The following TBC1D8 variants were observed in gnomAD, a reference collection of about 807,000 sequenced individuals.
TBC1D8 encodes the protein BUB2-like protein 1.
TBC1D8 carries 65 observed loss-of-function variants against 118.8 expected under a neutral mutation model. The observed-to-expected ratio is 0.55, with a 90% CI of 0.45 to 0.67. TBC1D8 has a LOEUF of 0.67. TBC1D8 is among the 30% of genes least tolerant of loss of function. The pLI, the probability that TBC1D8 is intolerant of heterozygous loss-of-function variation, is 0.00. For missense variants in TBC1D8, 1,376 were observed against 1,471.2 expected (o/e 0.94, Z 1.06); for synonymous variants, 566 against 595.8 (o/e 0.95, Z 0.73).
rs58885143 is a variant in TBC1D8 at position 101,069,917 on chromosome 2, C to CT, written c.284-10379dup. 1.8e-4 allele frequency among the ~76,000 whole-genome samples: 26 copies of CT among 142,494 alleles called. No individual in the cohort carries two copies. In the East Asian group the frequency reaches 2.9e-3, roughly 16 times the overall value. 93.5% of individuals were successfully genotyped at this position (142,494 alleles called of 152,430 possible). A position where few individuals can be genotyped will look rare whatever the true frequency, so the allele number is the denominator to read the frequency against. On this transcript the variant is annotated intron_variant, in intron 2 of 19. Transcript: ENST00000409318. ...AACATTTATATACAGAGCATGTTTA[C>CT]TTTTTTTTTTTTTTTCACACGGAAT...
chr2:101,116,848 G>T (rs1677842006), intron 1 of TBC1D8, among the ~76,000 whole-genome samples: 1 of 152,010 alleles, frequency 6.6e-6, no homozygotes, highest in Admixed American at 6.6e-5. Flanking sequence ...TGCCATGTTG[G>T]CTAGGCTGGT....
At chr2:101,115,008 C>T (rs1677755683) in intron 1 of TBC1D8, among the ~76,000 whole-genome samples, 1 of 152,222 alleles carries the variant, frequency 6.6e-6, no homozygotes, top group South Asian at 2.1e-4. Context: ...GTGTGTTTCA[C>T]AGAACCTGTC....
At chr2:101,114,467 A>G (rs1043686460) in intron 1 of TBC1D8, among the ~76,000 whole-genome samples, 1 of 152,180 alleles carries the variant, frequency 6.6e-6, no homozygotes, top group Non-Finnish European at 1.5e-5. Flanking sequence ...GTTTAAACTC[A>G]CTTACAGGAA....
chr2:101,015,263 G>A (rs372886346), intron 17 of TBC1D8, among the ~76,000 whole-genome samples: 1 of 152,168 alleles, frequency 6.6e-6, no homozygotes, highest in Non-Finnish European at 1.5e-5. Flanking sequence ...TGGTATACCT[G>A]TATAGACCAC....
chr2:101,095,230 G>A (rs911280308), intron 1 of TBC1D8, among the ~76,000 whole-genome samples: 19 of 147,356 alleles, frequency 1.3e-4, no homozygotes, highest in Admixed American at 4.1e-4. Flanking sequence ...AAAGGCCAAC[G>A]CACCAGAGAA....
At position 101,051,034 on chromosome 2, in the gene TBC1D8, T is replaced by C. The variant is rs563013635; in HGVS notation, c.632-393A>G. Among the ~76,000 whole-genome samples the C allele has an allele frequency of 1.2e-4, 19 of 152,326 alleles. 1 individual carries two copies. In the East Asian group the frequency reaches 3.5e-3, roughly 28 times the overall value. On this transcript the variant is annotated intron_variant, in intron 4 of 19. Coordinates refer to ENST00000409318, the MANE Select transcript of TBC1D8 (RefSeq NM_001330348.2). The stretch of plus-strand genomic sequence containing the variant: ...GTATTTGGTTTTCTTGCGTGTTAAT[T>C]TGCAAAGCATAATGGCCTCCAGCTC...
chr2:101,108,789 C>T (rs1344773822), intron 1 of TBC1D8, among the ~76,000 whole-genome samples: 1 of 139,782 alleles, frequency 7.2e-6, no homozygotes, highest in Non-Finnish European at 1.5e-5. Flanking sequence ...AACCTTACTT[C>T]CATCTACTAC....
intron 1 of TBC1D8, among the ~76,000 whole-genome samples, chr2:101,118,893 C>G (rs1558718314): frequency 6.6e-6 from 1 of 151,984 alleles, no homozygotes; most frequent in Admixed American, 6.6e-5. Flanking sequence ...AGCCTATGGT[C>G]CCAGCTACTT....
chr2:101,028,276 G>A lies in TBC1D8; in HGVS notation c.2352+27C>T, dbSNP rs558079779. On this transcript the variant is annotated intron_variant, in intron 13 of 19. Coordinates refer to ENST00000409318, the MANE Select transcript of TBC1D8 (RefSeq NM_001330348.2). ...TTCCCGGGGGGTTAGGGGCTGCAAC[G>A]GGGCATGGGGCGGGGGTTCCCGTTA... is the stretch of plus-strand genomic sequence containing the variant. 35 of 1,599,282 alleles carry A rather than the reference G, an allele frequency of 2.2e-5. 1 individual carries two copies. The Middle Eastern group carries it at 2.0e-3, about 91-fold the overall frequency.
chr2:101,059,028 C>A (rs975306302), intron 3 of TBC1D8, among the ~76,000 whole-genome samples: 1 of 151,984 alleles, frequency 6.6e-6, no homozygotes, highest in Non-Finnish European at 1.5e-5. Context: ...GCCTCAGCCT[C>A]CCGAGTAGCT....
At chr2:101,072,452 A>C (rs1201049735) in intron 2 of TBC1D8, among the ~76,000 whole-genome samples, 1 of 152,172 alleles carries the variant, frequency 6.6e-6, no homozygotes, top group Admixed American at 6.5e-5. Flanking sequence ...TCTCGTGTGA[A>C]CTGAGTAAGA....
intron 1 of TBC1D8, among the ~76,000 whole-genome samples, chr2:101,111,026 T>A (rs1282644917): frequency 6.6e-6 from 1 of 150,554 alleles, no homozygotes. Context: ...AAAACTTTTA[T>A]TCACGAAAAG....
intron 1 of TBC1D8, among the ~76,000 whole-genome samples, chr2:101,134,195 TCTCACACACA>T (rs1185140981): frequency 0.017 from 1,068 of 62,800 alleles, 7 homozygotes; most frequent in Middle Eastern, 0.057. Context: ...TCTCTCTCTC[TCTCACACACA>T]CACACACACA....
At chr2:101,143,196 G>T (rs1408726981) in intron 1 of TBC1D8, among the ~76,000 whole-genome samples, 1 of 151,390 alleles carries the variant, frequency 6.6e-6, no homozygotes. Flanking sequence ...CCAAGTGGCT[G>T]GGATTACAGG....
intron 1 of TBC1D8, among the ~76,000 whole-genome samples, 189 bp from the exon 2 acceptor site, chr2:101,090,553 A>G (rs72822912): frequency 0.16 from 24,207 of 152,254 alleles, 1,965 homozygotes; most frequent in African/African-American, 0.19. Flanking sequence ...CATCCGCAGC[A>G]GGACCTGCCC....
intron 19 of TBC1D8, among the ~76,000 whole-genome samples, chr2:101,008,898 A>G (rs915689202): frequency 1.3e-5 from 2 of 152,224 alleles, no homozygotes; most frequent in African/African-American, 4.8e-5. Flanking sequence ...AATGCTGGAA[A>G]CAGCTGAAAC....
In TBC1D8 at chr2:101,022,354, G is replaced by C. The variant is rs199849103; in HGVS notation, c.2688C>G (p.Ala896=). The part of the protein sequence containing the change: ...WTCGAHTEIL[A]ERTFRLLDDN... ...CATCCAAGAGCCTGAACGTCCTTTC[G>C]GCGAGGATCTCCGTGTGGGCCCCGC... The change falls in exon 16 of 20, where the codon GCC becomes GCG. Residue 896 remains alanine, a synonymous_variant. Coordinates refer to ENST00000409318, the MANE Select transcript of TBC1D8 (RefSeq NM_001330348.2). The C allele has an allele frequency of 6.2e-7, 1 of 1,612,466 alleles. No individual in the cohort carries two copies. Among genetic ancestry groups the C allele is most frequent in the Admixed American group, 1.7e-5 (1 of 59,314 alleles).
intron 17 of TBC1D8, among the ~76,000 whole-genome samples, chr2:101,013,961 A>T (rs1305844413): frequency 1.3e-5 from 2 of 152,232 alleles, no homozygotes; most frequent in Admixed American, 6.5e-5. Context: ...CGCTTGGATT[A>T]ATCAGAAATT....
intron 17 of TBC1D8, among the ~76,000 whole-genome samples, chr2:101,016,981 C>T (rs1392337818): frequency 6.6e-6 from 1 of 151,122 alleles, no homozygotes; most frequent in Admixed American, 6.6e-5. Context: ...TGCTAAATGA[C>T]GAGTTAATGG....
Sources: allele counts gnomAD v4.1 joint callset (sites outside exome capture counted in the v4.1 genomes callset), GRCh38; gene constraint gnomAD v4.1.1; transcripts MANE v1.5; gene names NCBI Gene and HGNC (gene_info 2026-07-23, HGNC 2026-07-21).